Variants in HNRNPR observed in about 807,000 individuals in gnomAD.
HNRNPR encodes heterogeneous nuclear ribonucleoprotein R.
A neutral mutation model predicts 70.3 loss-of-function variants in HNRNPR; 4 were observed. The observed-to-expected ratio is 0.06, with a 90% CI of 0.03 to 0.13. The LOEUF (loss-of-function observed/expected upper bound fraction) is 0.13, where lower values mean the gene tolerates loss of function less well. HNRNPR is among the 10% of genes least tolerant of loss of function. The pLI is 1.00. For missense variants in HNRNPR, 423 were observed against 788.5 expected (o/e 0.54, Z 5.55); for synonymous variants, 241 against 267.6 (o/e 0.90, Z 0.97).
At chr1:23,317,563 G>C (rs1011381705) in intron 8 of HNRNPR, among the ~76,000 whole-genome samples, 2 of 152,154 alleles carry the variant, frequency 1.3e-5, no homozygotes, top group Non-Finnish European at 2.9e-5. Context: ...GCAAGTACAG[G>C]AATCAGGAGG....
chr1:23,331,757 CAGG>C (rs1251456027), intron 5 of HNRNPR, among the ~76,000 whole-genome samples: 3 of 138,818 alleles, frequency 2.2e-5, no homozygotes, highest in East Asian at 4.5e-4. Context: ...CTGCTTGAGC[CAGG>C]AGGAGTCTGA....
At chr1:23,312,331 C>T (rs1216932231) in intron 9 of HNRNPR, among the ~76,000 whole-genome samples, 2 of 152,154 alleles carry the variant, frequency 1.3e-5, no homozygotes, top group Non-Finnish European at 2.9e-5. Flanking sequence ...CTGGTGACTC[C>T]CAGTTCCTGG....
intron 5 of HNRNPR, among the ~76,000 whole-genome samples, chr1:23,332,309 C>T (rs755505344): frequency 2.6e-5 from 4 of 152,020 alleles, no homozygotes; most frequent in African/African-American, 4.8e-5. Context: ...GTGCAATCCA[C>T]GCCCATCAAT....
At chr1:23,337,592 G>A (rs1400885173) in intron 4 of HNRNPR, among the ~76,000 whole-genome samples, 162 bp downstream of exon 4, 1 of 150,390 alleles carries the variant, frequency 6.6e-6, no homozygotes, top group Non-Finnish European at 1.5e-5. Flanking sequence ...GGGAGGTGGA[G>A]CTTGCAGTGA....
At chr1:23,313,748 T>G (rs1297001356) in intron 8 of HNRNPR, 46 bp from the exon 9 acceptor site, 1 of 1,577,446 alleles carries the variant, frequency 6.3e-7, no homozygotes, top group Non-Finnish European at 8.6e-7. Context: ...TACTTAATTT[T>G]ACCTGAAAAG....
chr1:23,315,732 T>A (rs1229217563), intron 8 of HNRNPR, among the ~76,000 whole-genome samples: 5 of 152,150 alleles, frequency 3.3e-5, no homozygotes. Context: ...AATAAAAAAC[T>A]AACATATTGA....
rs1645202354 is a variant in HNRNPR at position 23,306,376 on chromosome 1, C to T, written c.*4078G>A. The T allele has an allele frequency of 6.6e-6, 1 of 151,498 alleles. No homozygotes were observed. Among genetic ancestry groups the T allele is most frequent in the Non-Finnish European group, 1.5e-5 (1 of 67,908 alleles). The allele number at this position is 151,498 out of a possible 1,614,324, so 9.4% of individuals were successfully genotyped here. A position where few individuals can be genotyped will look rare whatever the true frequency, so the allele number is the denominator to read the frequency against. On this transcript the variant is annotated 3_prime_UTR_variant, in exon 11 of 11. Coordinates refer to ENST00000302271, the MANE Select transcript of HNRNPR (RefSeq NM_005826.5). ...TTCTCCCACACTTAATGCCCCACTA[C>T]TGATAAAAAAAAAAATAGGAAAAAA... is the stretch of plus-strand genomic sequence containing the variant.
chr1:23,335,246 C>T (rs1329473634), intron 4 of HNRNPR, among the ~76,000 whole-genome samples: 1 of 152,198 alleles, frequency 6.6e-6, no homozygotes, highest in Non-Finnish European at 1.5e-5. Context: ...AATGTCAGAA[C>T]AATAAGAGAC....
intron 9 of HNRNPR, among the ~76,000 whole-genome samples, chr1:23,312,123 A>T (rs1645359950): frequency 6.6e-6 from 1 of 152,184 alleles, no homozygotes; most frequent in East Asian, 1.9e-4. Flanking sequence ...CACTCTGGGC[A>T]CACATAAAAA....
intron 5 of HNRNPR, among the ~76,000 whole-genome samples, chr1:23,325,139 C>CA (rs570840598): frequency 0.013 from 1,808 of 138,924 alleles, 22 homozygotes; most frequent in Middle Eastern, 0.036. Context: ...GACTCCATCT[C>CA]AAAAAAAAAA....
At position 23,310,272 on chromosome 1, in the gene HNRNPR, T is replaced by C. The variant is rs1645279427; in HGVS notation, c.*182A>G. 1.8e-6 allele frequency: 1 copy of C among 559,594 alleles called. No individual in the cohort carries two copies. Among genetic ancestry groups the C allele is most frequent in the Admixed American group, 3.2e-5 (1 of 30,976 alleles). The allele number at this position is 559,594 out of a possible 1,614,324, so 34.7% of individuals were successfully genotyped here. A position where few individuals can be genotyped will look rare whatever the true frequency, so the allele number is the denominator to read the frequency against. On this transcript the variant is annotated 3_prime_UTR_variant, in exon 11 of 11. Coordinates refer to ENST00000302271, the MANE Select transcript of HNRNPR (RefSeq NM_005826.5). This position sits in a 1 kb window ranked among gnomAD's most constrained non-coding sequence, Gnocchi z 6.0. ...CAAGCCCAATAATGTCCAAGAGCAT[T>C]TATGAAAAGAGGAAAAATAAAAAGA...
intron 4 of HNRNPR, among the ~76,000 whole-genome samples, chr1:23,334,926 T>C (rs1190602288): frequency 1.3e-5 from 2 of 151,932 alleles, no homozygotes; most frequent in Non-Finnish European, 1.5e-5. Flanking sequence ...TTTTTTGGTT[T>C]TTTTTTTTTG....
In HNRNPR at chr1:23,307,309, T is replaced by C. The variant is rs1411328380; in HGVS notation, c.*3145A>G. On this transcript the variant is annotated 3_prime_UTR_variant, in exon 11 of 11. Transcript: ENST00000302271. Reference sequence around the variant, plus strand: ...TCAAGAATAATATTATATGGCTTTATGCTAGGAGTGAAATTTTATGTCCCT... The same window carrying C: ...TCAAGAATAATATTATATGGCTTTACGCTAGGAGTGAAATTTTATGTCCCT... 2 of 152,108 alleles carry C rather than the reference T, an allele frequency of 1.3e-5. No individual in the cohort carries two copies. Among genetic ancestry groups the C allele is most frequent in the African/African-American group, 4.8e-5 (2 of 41,452 alleles). 9.4% of individuals were successfully genotyped at this position (152,108 alleles called of 1,614,324 possible). A position where few individuals can be genotyped will look rare whatever the true frequency, so the allele number is the denominator to read the frequency against.
At chr1:23,338,639 T>C (rs750494369) in intron 2 of HNRNPR, 31 bp from the exon 3 acceptor site, 1 of 1,127,138 alleles carries the variant, frequency 8.9e-7, no homozygotes. Context: ...GGTAACGTTA[T>C]TGCAACAAAA....
intron 5 of HNRNPR, among the ~76,000 whole-genome samples, chr1:23,332,586 G>C (rs1192922385): frequency 2.6e-5 from 4 of 151,418 alleles, no homozygotes; most frequent in Non-Finnish European, 5.9e-5. Flanking sequence ...AGTAATCCCA[G>C]TTACTTGGGA....
At position 23,306,837 on chromosome 1, in the gene HNRNPR, C is replaced by A. The variant is rs1360163983; in HGVS notation, c.*3617G>T. ...ACTTCTAATATAAAAGTAAACATGT[C>A]TGGCTAATGGATTTGTTATTCTGGA... is the stretch of plus-strand genomic sequence containing the variant. On this transcript the variant is annotated 3_prime_UTR_variant, in exon 11 of 11. Coordinates refer to ENST00000302271, the MANE Select transcript of HNRNPR (RefSeq NM_005826.5). The A allele has an allele frequency of 1.3e-5, 2 of 152,162 alleles. No individual in the cohort carries two copies. The highest frequency in any genetic ancestry group is 4.8e-5 in the African/African-American group (2 of 41,434). The allele number at this position is 152,162 out of a possible 1,614,324, so 9.4% of individuals were successfully genotyped here.
intron 4 of HNRNPR, among the ~76,000 whole-genome samples, chr1:23,334,186 G>C (rs545229000): frequency 1.6e-4 from 23 of 146,962 alleles, no homozygotes; most frequent in African/African-American, 5.7e-4. Flanking sequence ...AGTGCTAGGA[G>C]TACAGGTGTG....
At position 23,310,403 on chromosome 1, in the gene HNRNPR, G is replaced by C. The variant is rs773143424; in HGVS notation, c.*51C>G. Reference sequence around the variant, plus strand: ...CCAATTTTTTTTTTTGAAGAATGTAGATCTAGAGCCAATCGTATCTTGCCA... The same window carrying C: ...CCAATTTTTTTTTTTGAAGAATGTACATCTAGAGCCAATCGTATCTTGCCA... On this transcript the variant is annotated 3_prime_UTR_variant, in exon 11 of 11. Coordinates refer to ENST00000302271, the MANE Select transcript of HNRNPR (RefSeq NM_005826.5). The surrounding 1 kb of genome is among the most constrained non-coding windows in gnomAD (Gnocchi z 6.0). The C allele has an allele frequency of 1.3e-6, 2 of 1,499,404 alleles. No individual in the cohort carries two copies. The highest frequency in any genetic ancestry group is 1.8e-6 in the Non-Finnish European group (2 of 1,125,012). 92.9% of individuals were successfully genotyped at this position (1,499,404 alleles called of 1,614,324 possible). A position where few individuals can be genotyped will look rare whatever the true frequency, so the allele number is the denominator to read the frequency against.
In HNRNPR at chr1:23,340,742, C is replaced by T. The variant is rs956106468; in HGVS notation, c.157+110G>A. ...TGAAGGGAAAGTAACAAACATTCAG[C>T]TCTACAGATCAGAAACAATAAGTAT... is the stretch of plus-strand genomic sequence containing the variant. On this transcript the variant is annotated intron_variant, in intron 2 of 10. Transcript: ENST00000302271. 7.0e-6 allele frequency: 6 copies of T among 862,200 alleles called. No individual in the cohort carries two copies. The Admixed American group carries it at 1.0e-4, about 15-fold the overall frequency. 53.4% of individuals were successfully genotyped at this position (862,200 alleles called of 1,614,324 possible).
Sources: allele counts gnomAD v4.1 joint callset (sites outside exome capture counted in the v4.1 genomes callset), GRCh38; gene constraint gnomAD v4.1.1; non-coding constraint Gnocchi (gnomAD v3.1); transcripts MANE v1.5; gene names NCBI Gene and HGNC (gene_info 2026-07-23, HGNC 2026-07-21).